The following CNTNAP2 variants were observed in gnomAD, a reference collection of about 807,000 sequenced individuals.
CNTNAP2 encodes contactin-associated protein-like 2.
Under a neutral mutation model 155.2 loss-of-function variants are expected in CNTNAP2, and 98 were observed. The ratio of observed to expected loss-of-function variants is 0.63; its 90% CI spans 0.54 to 0.75. The LOEUF (loss-of-function observed/expected upper bound fraction) is 0.75. Among genes scored for constraint, CNTNAP2 ranks in the 30% least tolerant of loss-of-function variants. The pLI, the probability that CNTNAP2 is intolerant of heterozygous loss-of-function variation, is 0.00. For synonymous variants in CNTNAP2, 651 were observed against 631.2 expected (o/e 1.03, Z -0.47); for missense variants, 1,727 against 1,688.1 (o/e 1.02, Z -0.40).
chr7:147,664,450 G>C (rs1795664094), intron 13 of CNTNAP2, among the ~76,000 whole-genome samples: 4 of 152,170 alleles, frequency 2.6e-5, no homozygotes, highest in African/African-American at 9.7e-5. Context: ...CAAGATTGTG[G>C]AGTCTTGCTC....
intron 20 of CNTNAP2, among the ~76,000 whole-genome samples, chr7:148,239,093 T>C (rs1440315207): frequency 2.6e-5 from 4 of 152,248 alleles, no homozygotes; most frequent in African/African-American, 7.2e-5. Context: ...TAATTTAGTT[T>C]TTATCTACTC....
intron 12 of CNTNAP2, among the ~76,000 whole-genome samples, chr7:147,587,790 C>G (rs1800659285): frequency 1.3e-5 from 2 of 152,266 alleles, no homozygotes; most frequent in South Asian, 4.1e-4. Context: ...TTTGAAGACC[C>G]TGGCATTTGT....
chr7:147,745,066 A>C (rs1248079622), intron 13 of CNTNAP2, among the ~76,000 whole-genome samples: 2 of 152,166 alleles, frequency 1.3e-5, no homozygotes. Context: ...AAAGAATACT[A>C]TGTTGGTACT....
intron 10 of CNTNAP2, among the ~76,000 whole-genome samples, chr7:147,417,929 T>C (rs571098573): frequency 6.6e-6 from 1 of 152,318 alleles, no homozygotes; most frequent in African/African-American, 2.4e-5. Context: ...TTATAAAACA[T>C]TTGCTATCAA....
intron 15 of CNTNAP2, among the ~76,000 whole-genome samples, chr7:148,025,769 C>G (rs1802364175): frequency 1.3e-5 from 2 of 152,122 alleles, no homozygotes; most frequent in African/African-American, 4.8e-5. Context: ...TGAGTGACCT[C>G]TCCCCAAATT....
chr7:147,555,629 C>G (rs1321612835), intron 11 of CNTNAP2, among the ~76,000 whole-genome samples: 2 of 152,208 alleles, frequency 1.3e-5, no homozygotes, highest in East Asian at 3.8e-4. Context: ...GTCAGGAAGA[C>G]TGCTTATGAT....
chr7:147,464,275 G>A (rs1345341013), intron 10 of CNTNAP2, among the ~76,000 whole-genome samples: 2 of 151,936 alleles, frequency 1.3e-5, no homozygotes, highest in Non-Finnish European at 2.9e-5. Flanking sequence ...AGACCATCCA[G>A]GCTAACATGG....
chr7:147,071,479 C>A (rs193140052), intron 4 of CNTNAP2, among the ~76,000 whole-genome samples: 281 of 152,172 alleles, frequency 1.8e-3, no homozygotes, highest in African/African-American at 6.3e-3. Flanking sequence ...ACTGCAGTCC[C>A]CAAATATGAA....
chr7:147,341,070 T>TTGTGTGTGTGTGTGTG (rs61319652), intron 9 of CNTNAP2, among the ~76,000 whole-genome samples: 2,946 of 148,746 alleles, frequency 0.02, 60 homozygotes, highest in Admixed American at 0.062. Flanking sequence ...CATTGTGTGT[T>TTGTGTGTGTGTGTGTG]TGTGTGTGTG....
intron 15 of CNTNAP2, among the ~76,000 whole-genome samples, chr7:147,981,097 A>C (rs1266236119): frequency 6.6e-6 from 1 of 152,212 alleles, no homozygotes; most frequent in African/African-American, 2.4e-5. Flanking sequence ...TCTGCCTTAC[A>C]AATGAAGAAA....
At chr7:147,975,419 A>G (rs1429794058) in intron 14 of CNTNAP2, among the ~76,000 whole-genome samples, 2 of 151,396 alleles carry the variant, frequency 1.3e-5, no homozygotes, top group Admixed American at 6.6e-5. Context: ...ATTGAACTGT[A>G]CCTTTCAGAT....
At chr7:148,086,462 T>C (rs1803731044) in intron 15 of CNTNAP2, among the ~76,000 whole-genome samples, 4 of 152,192 alleles carry the variant, frequency 2.6e-5, no homozygotes, top group Admixed American at 2.6e-4. Flanking sequence ...GAAATAAAAA[T>C]TTTGATGTAT....
At chr7:146,206,011 T>C (rs771021659) in intron 1 of CNTNAP2, among the ~76,000 whole-genome samples, 35 of 152,010 alleles carry the variant, frequency 2.3e-4, no homozygotes, top group Non-Finnish European at 4.1e-4. Context: ...AGCATTTTAT[T>C]TGTGTTTCGT....
At chr7:146,951,612 T>C (rs1376478243) in intron 3 of CNTNAP2, among the ~76,000 whole-genome samples, 5 of 152,128 alleles carry the variant, frequency 3.3e-5, no homozygotes, top group Admixed American at 3.3e-4. Flanking sequence ...TGTAGATGTG[T>C]GACATTATTT....
chr7:147,144,533 G>A (rs370760532), intron 8 of CNTNAP2, among the ~76,000 whole-genome samples: 5 of 152,016 alleles, frequency 3.3e-5, no homozygotes, highest in Non-Finnish European at 7.4e-5. Context: ...TGGCAGGTAC[G>A]TTTCTAATCT....
chr7:146,191,640 C>T (rs1337141640), intron 1 of CNTNAP2, among the ~76,000 whole-genome samples: 1 of 152,068 alleles, frequency 6.6e-6, no homozygotes, highest in African/African-American at 2.4e-5. Context: ...CCAGAGCGGC[C>T]ATTTTAGAGA....
chr7:147,954,918 G>A (rs1800993832), intron 14 of CNTNAP2, among the ~76,000 whole-genome samples: 1 of 152,160 alleles, frequency 6.6e-6, no homozygotes, highest in African/African-American at 2.4e-5. Context: ...AGATCTCTCT[G>A]ATATTTTTCT....
At chr7:146,502,894 C>A (rs1047156639) in intron 1 of CNTNAP2, among the ~76,000 whole-genome samples, 1 of 152,156 alleles carries the variant, frequency 6.6e-6, no homozygotes. Flanking sequence ...GGATTACAGG[C>A]AAGAGCCGCC....
At chr7:147,320,316 G>A (rs77958996) in intron 9 of CNTNAP2, among the ~76,000 whole-genome samples, 1,807 of 152,208 alleles carry the variant, frequency 0.012, 27 homozygotes, top group Middle Eastern at 0.037. Flanking sequence ...AAGCAAGCTG[G>A]GAAATAAAAT....
Sources: gnomAD v4.1 joint callset for allele counts (sites outside exome capture counted in the v4.1 genomes callset) on GRCh38, gnomAD v4.1.1 for gene constraint, MANE v1.5 for transcripts, NCBI Gene and HGNC (gene_info 2026-07-23, HGNC 2026-07-21) for gene names.